The following WNK1 variants were observed in gnomAD, a reference collection of about 807,000 sequenced individuals.
WNK1 encodes the protein WNK lysine deficient protein kinase 1.
Under a neutral mutation model 222.8 loss-of-function variants are expected in WNK1, and 38 were observed. The observed-to-expected ratio is 0.17, with a 90% confidence interval of 0.13 to 0.22. The LOEUF is 0.22. WNK1 is among the 10% of genes least tolerant of loss of function. The pLI is 1.00. For synonymous variants in WNK1, 1,090 were observed against 1,092.9 expected (o/e 1.00, Z 0.05); for missense variants, 2,348 against 2,918.4 (o/e 0.80, Z 4.50).
intron 1 of WNK1, among the ~76,000 whole-genome samples, chr12:793,301 A>G (rs1236130229): frequency 6.6e-6 from 1 of 152,214 alleles, no homozygotes; most frequent in Non-Finnish European, 1.5e-5. Flanking sequence ...AGAACTTTAT[A>G]AAGTAGAGTT....
At position 870,191 on chromosome 12, in the gene WNK1, A is replaced by G. The variant is rs184298506; in HGVS notation, c.2140-1074A>G. Among the ~76,000 whole-genome samples, 293 of 152,310 alleles carry G rather than the reference A, an allele frequency of 1.9e-3. 1 individual carries two copies. In the Middle Eastern group the frequency reaches 0.024, roughly 12 times the overall value. On this transcript the variant is annotated intron_variant, in intron 8 of 27. Coordinates refer to ENST00000315939, the MANE Select transcript of WNK1 (RefSeq NM_018979.4). ...ACTCCCAAAATGTGCACAAATTATC[A>G]ATTATTTAGTGCTGTACTAAGACAC...
chr12:862,855 C>G (rs1271890252), intron 8 of WNK1, among the ~76,000 whole-genome samples: 2 of 152,070 alleles, frequency 1.3e-5, no homozygotes, highest in Non-Finnish European at 2.9e-5. Flanking sequence ...TTGCTTTTTC[C>G]CTTTAGTTGG....
At chr12:779,982 G>C (rs2153966236) in intron 1 of WNK1, among the ~76,000 whole-genome samples, 1 of 152,226 alleles carries the variant, frequency 6.6e-6, no homozygotes, top group African/African-American at 2.4e-5. Context: ...TTGGAATTTT[G>C]TGGATAATCA....
chr12:810,911 A>T (rs779372027), intron 1 of WNK1, among the ~76,000 whole-genome samples: 1 of 152,188 alleles, frequency 6.6e-6, no homozygotes, highest in Non-Finnish European at 1.5e-5. Flanking sequence ...TGTGCATGTT[A>T]TGAAGAGGTC....
intron 8 of WNK1, chr12:867,847 C>G: frequency 2.5e-6 from 4 of 1,612,832 alleles, no homozygotes; most frequent in East Asian, 4.5e-5. Flanking sequence ...AATTACTTGT[C>G]TTATTCATGT....
chr12:833,015 T>C (rs77990417), intron 4 of WNK1, among the ~76,000 whole-genome samples: 2 of 111,920 alleles, frequency 1.8e-5, no homozygotes, highest in East Asian at 2.2e-4. Context: ...ACATTCTCTC[T>C]TTTTTTTTTT....
At chr12:888,839 A>C (rs1169622215) in intron 20 of WNK1, among the ~76,000 whole-genome samples, 1 of 152,240 alleles carries the variant, frequency 6.6e-6, no homozygotes. Context: ...AAGGTCGCAC[A>C]AATAAATAAC....
chr12:753,227 C>T lies in WNK1; in HGVS notation c.-339C>T, dbSNP rs1939460196. ...CCGGCCCCTGGCCCTCCCCTCATGACTGCGGCGCCTCTGCTGCCACCGCCC... is the reference window on the plus strand; with the variant it reads ...CCGGCCCCTGGCCCTCCCCTCATGATTGCGGCGCCTCTGCTGCCACCGCCC... On this transcript the variant is annotated 5_prime_UTR_variant, in exon 1 of 28. Transcript: ENST00000315939. The surrounding 1 kb of genome is among the most constrained non-coding windows in gnomAD (Gnocchi z 5.2). The T allele has an allele frequency of 6.9e-6, 2 of 288,996 alleles. No homozygotes were observed. Among genetic ancestry groups the T allele is most frequent in the East Asian group, 1.7e-4 (2 of 11,654 alleles). 17.9% of individuals were successfully genotyped at this position (288,996 alleles called of 1,614,324 possible). A position where few individuals can be genotyped will look rare whatever the true frequency, so the allele number is the denominator to read the frequency against.
chr12:795,042 A>G (rs1167280077), intron 1 of WNK1, among the ~76,000 whole-genome samples: 1 of 152,186 alleles, frequency 6.6e-6, no homozygotes, highest in Non-Finnish European at 1.5e-5. Flanking sequence ...ATGAGCTACC[A>G]TGCCTGGCCA....
Position 885,742 on chromosome 12 carries a change from T to G in WNK1, c.4938T>G (p.Ala1646=), listed in dbSNP as rs1953589334. 1 of 1,613,992 alleles carries G rather than the reference T, an allele frequency of 6.2e-7. No homozygotes were observed. Among genetic ancestry groups the G allele is most frequent in the East Asian group, 2.2e-5 (1 of 44,890 alleles). Residue 1646 remains alanine, a synonymous_variant, in exon 19 of 28, where the codon GCT becomes GCG. Coordinates refer to ENST00000315939, the MANE Select transcript of WNK1 (RefSeq NM_018979.4). The stretch of plus-strand genomic sequence containing the variant: ...TAGATTCTGATACACAACCCAAAGC[T>G]CCTGGAATTGATGACATAAAGACTC... ...PEVDSDTQPK[A]PGIDDIKTLE... is the part of the protein sequence containing the mutation.
chr12:872,359 G>A (rs752080161), intron 9 of WNK1, among the ~76,000 whole-genome samples: 5 of 152,176 alleles, frequency 3.3e-5, no homozygotes, highest in Non-Finnish European at 7.3e-5. Flanking sequence ...ATGTTGGCCA[G>A]GCTGGTCTTG....
In WNK1 at chr12:884,998, C is replaced by T. The variant is rs1592172471; in HGVS notation, c.4194C>T (p.Leu1398=). 2 of 1,614,116 alleles carry T rather than the reference C, an allele frequency of 1.2e-6. No homozygotes were observed. The highest frequency in any genetic ancestry group is 2.7e-5 in the African/African-American group (2 of 75,014). The change falls in exon 19 of 28, where the codon CTC becomes CTT. Residue 1398 remains leucine (L), a synonymous_variant. Transcript: ENST00000315939. This position sits in a 1 kb window ranked among gnomAD's most constrained non-coding sequence, Gnocchi z 5.6. The stretch of plus-strand genomic sequence containing the variant: ...CAGGTGTGGTAACTTCAGGTGGTCT[C>T]CCCATACCACCTGTGTCTGAATCAC... The part of the protein sequence containing the change: ...TSTGVVTSGG[L]PIPPVSESPV...
chr12:901,522 C>T (rs1955257585), intron 26 of WNK1: 1 of 1,268,820 alleles, frequency 7.9e-7, no homozygotes, highest in South Asian at 1.3e-5. Flanking sequence ...TCTGTCTCTT[C>T]TCCTCTCTCT....
At position 754,078 on chromosome 12, in the gene WNK1, TGTG is replaced by T. The variant is rs1347086453; in HGVS notation, c.515_517del (p.Val172del). Reference sequence around the variant, plus strand: ...ACCGCCCAGTGTCCCAGCCTAGCCTTGTGGGGAGCAAAGAGGAGCCGCCGCCGG... The same window carrying T: ...ACCGCCCAGTGTCCCAGCCTAGCCTTGGGAGCAAAGAGGAGCCGCCGCCGG... On this transcript the variant is annotated inframe_deletion, in exon 1 of 28. Coordinates refer to ENST00000315939, the MANE Select transcript of WNK1 (RefSeq NM_018979.4). The T allele has an allele frequency of 2.5e-6, 4 of 1,608,568 alleles. No homozygotes were observed. In the African/African-American group the frequency reaches 5.3e-5, roughly 22 times the overall value.
In WNK1 at chr12:753,225, G is replaced by T; in HGVS notation, c.-341G>T. On this transcript the variant is annotated 5_prime_UTR_variant, in exon 1 of 28. An upstream start codon of the reference 5' UTR is lost. Transcript: ENST00000315939. This position sits in a 1 kb window ranked among gnomAD's most constrained non-coding sequence, Gnocchi z 5.2. ...TGCCGGCCCCTGGCCCTCCCCTCAT[G>T]ACTGCGGCGCCTCTGCTGCCACCGC... 1 of 281,444 alleles carries T rather than the reference G, an allele frequency of 3.6e-6. No homozygotes were observed. The highest frequency in any genetic ancestry group is 6.7e-6 in the Non-Finnish European group (1 of 149,790). The allele number at this position is 281,444 out of a possible 1,614,324, so 17.4% of individuals were successfully genotyped here. A position where few individuals can be genotyped will look rare whatever the true frequency, so the allele number is the denominator to read the frequency against.
chr12:801,425 G>T (rs1221093762), intron 1 of WNK1, among the ~76,000 whole-genome samples: 1 of 29,372 alleles, frequency 3.4e-5, no homozygotes. Context: ...TTTTTTCTTT[G>T]TGTGTGTGTG....
chr12:802,332 G>A (rs1256410846), intron 1 of WNK1, among the ~76,000 whole-genome samples: 1 of 152,168 alleles, frequency 6.6e-6, no homozygotes, highest in Non-Finnish European at 1.5e-5. Flanking sequence ...ATTAATGACA[G>A]AAACTTGAGA....
At chr12:898,770 C>T (rs890991424) in intron 25 of WNK1, among the ~76,000 whole-genome samples, 1 of 151,932 alleles carries the variant, frequency 6.6e-6, no homozygotes, top group Non-Finnish European at 1.5e-5. Context: ...GACAGAATCC[C>T]GCTCTGTTGC....
rs752345591 is a variant in WNK1, at chr12:753,950, G to C, written c.385G>C (p.Ala129Pro). 1 of 1,603,324 alleles carries C rather than the reference G, an allele frequency of 6.2e-7. No homozygotes were observed. The highest frequency in any genetic ancestry group is 1.3e-5 in the African/African-American group (1 of 74,812). The change falls in exon 1 of 28, where the codon GCC (alanine) becomes CCC (proline). Residue 129 changes from alanine (A) to proline (P), a missense_variant. Coordinates refer to ENST00000315939, the MANE Select transcript of WNK1 (RefSeq NM_018979.4). The surrounding 1 kb of genome is among the most constrained non-coding windows in gnomAD (Gnocchi z 5.2). ...PHREETVTAT[A>P]TSQVAQQPPA... The stretch of plus-strand genomic sequence containing the variant: ...CCGGGAAGAGACCGTGACCGCCACC[G>C]CCACTTCCCAGGTAGCCCAGCAGCC...
Sources: allele counts gnomAD v4.1 joint callset (sites outside exome capture counted in the v4.1 genomes callset), GRCh38; gene constraint gnomAD v4.1.1; non-coding constraint Gnocchi (gnomAD v3.1); transcripts MANE v1.5; gene names NCBI Gene and HGNC (gene_info 2026-07-23, HGNC 2026-07-21).